The following RUNX1T1 variants were observed in gnomAD, a reference collection of about 807,000 sequenced individuals.
RUNX1T1 encodes protein CBFA2T1.
A neutral mutation model predicts 62.8 loss-of-function variants in RUNX1T1; 4 were observed. That is an observed-to-expected ratio of 0.06 (90% CI 0.03 to 0.15). RUNX1T1 has a LOEUF of 0.15. Among genes scored for constraint, RUNX1T1 ranks in the 10% least tolerant of loss-of-function variants. The probability of loss-of-function intolerance (pLI) is 1.00; values close to 1 mark genes in which losing one functional copy is unlikely to be tolerated. For missense variants in RUNX1T1, 508 were observed against 754.3 expected (o/e 0.67, Z 3.82); for synonymous variants, 291 against 286.0 (o/e 1.02, Z -0.18).
intron 5 of RUNX1T1, among the ~76,000 whole-genome samples, chr8:91,996,769 T>C (rs78688345): frequency 6.6e-6 from 1 of 151,946 alleles, no homozygotes; most frequent in African/African-American, 2.4e-5. Flanking sequence ...TTTTTTTTTT[T>C]CCAGCTCCTC....
intron 5 of RUNX1T1, 66 bp downstream of exon 6, chr8:92,005,050 A>C: frequency 7.4e-7 from 1 of 1,359,390 alleles, no homozygotes; most frequent in Non-Finnish European, 1.0e-6. Context: ...GTGACATGAA[A>C]TGTTTCCTCA....
At chr8:92,011,161 T>C in intron 3 of RUNX1T1, 70 bp from the exon 5 acceptor site, 1 of 826,062 alleles carries the variant, frequency 1.2e-6, no homozygotes, top group Middle Eastern at 2.3e-4. Flanking sequence ...AACAAATTAA[T>C]TATTAAGACT....
intron 1 of RUNX1T1, among the ~76,000 whole-genome samples, chr8:92,043,988 A>C (rs545986162): frequency 1.4e-4 from 22 of 152,154 alleles, no homozygotes; most frequent in African/African-American, 5.1e-4. Flanking sequence ...CAAAAAAAAA[A>C]AAAAAAAAAC....
exon 11 of RUNX1T1, chr8:91,959,488 G>GTA (rs60438153): frequency 0.017 from 1,501 of 86,464 alleles, 21 homozygotes; most frequent in Middle Eastern, 0.026. Flanking sequence ...GTGTGTGTGT[G>GTA]TATATATATA....
Position 92,005,129 on chromosome 8 carries a change from G to C in RUNX1T1, c.646C>G (p.Arg216Gly), listed in dbSNP as rs866587267. The change falls in exon 5 of 11, where the codon CGA becomes GGA. Residue 216 changes from arginine to glycine, a missense_variant. Arg to Gly is a moderately radical substitution (Grantham distance 125, BLOSUM62 -2). Transcript: ENST00000396218. ...CCTCCCTCTCACCTGTCTGGAGTTC[G>C]CCTCTTCCCGTTTTCGTTCACATCG... 1.8e-5 allele frequency: 29 copies of C among 1,609,974 alleles called. No homozygotes were observed. The Admixed American group carries it at 3.7e-4, about 21-fold the overall frequency.
intron 6 of RUNX1T1, among the ~76,000 whole-genome samples, chr8:91,991,147 A>G (rs1817590398): frequency 6.6e-6 from 1 of 152,226 alleles, no homozygotes; most frequent in Non-Finnish European, 1.5e-5. Context: ...AACATCTGTT[A>G]AGCCACAGAT....
At chr8:91,962,836 G>C (rs1334786579) in intron 10 of RUNX1T1, among the ~76,000 whole-genome samples, 2 of 152,202 alleles carry the variant, frequency 1.3e-5, no homozygotes, top group Non-Finnish European at 2.9e-5. Context: ...GAGTCAAGTG[G>C]CTTCTTTAGG....
At chr8:92,029,482 T>A (rs763324360) in intron 1 of RUNX1T1, among the ~76,000 whole-genome samples, 7 of 152,088 alleles carry the variant, frequency 4.6e-5, no homozygotes, top group African/African-American at 1.2e-4. Context: ...CTCGAATAAG[T>A]AGGAACCGAG....
intron 10 of RUNX1T1, among the ~76,000 whole-genome samples, chr8:91,970,380 A>G (rs2011093): frequency 0.84 from 127,355 of 152,104 alleles, 53,698 homozygotes; most frequent in East Asian, 0.99. Context: ...ACACACAGCC[A>G]AGCTATGAGT....
chr8:92,092,236 ATTAT>A (rs1377132165), intron 1 of RUNX1T1, among the ~76,000 whole-genome samples: 1 of 152,120 alleles, frequency 6.6e-6, no homozygotes, highest in African/African-American at 2.4e-5. Flanking sequence ...TTTTATTATG[ATTAT>A]TTAAGACATC....
intron 1 of RUNX1T1, among the ~76,000 whole-genome samples, chr8:92,077,705 T>A (rs1834631136): frequency 6.6e-6 from 1 of 152,114 alleles, no homozygotes; most frequent in African/African-American, 2.4e-5. Context: ...CTGACAAAAG[T>A]GGATCATGCC....
intron 8 of RUNX1T1, among the ~76,000 whole-genome samples, chr8:91,981,008 C>T (rs1815114688): frequency 6.6e-6 from 1 of 152,112 alleles, no homozygotes; most frequent in African/African-American, 2.4e-5. Context: ...ATCTAAATAA[C>T]AGCTAAGACA....
chr8:92,011,714 C>T (rs1200507293), intron 3 of RUNX1T1, among the ~76,000 whole-genome samples: 1 of 152,086 alleles, frequency 6.6e-6, no homozygotes, highest in African/African-American at 2.4e-5. Context: ...TCCCAATTAT[C>T]GAAGACATTC....
chr8:92,064,986 G>A (rs959747312), upstream of RUNX1T1, among the ~76,000 whole-genome samples: 4 of 152,094 alleles, frequency 2.6e-5, no homozygotes, highest in Non-Finnish European at 5.9e-5. Flanking sequence ...TGACTGCAGC[G>A]GGGCCTAGCT....
At chr8:92,017,411 A>C (rs1823233009) in intron 1 of RUNX1T1, 48 bp from the exon 3 acceptor site, 2 of 1,613,764 alleles carry the variant, frequency 1.2e-6, no homozygotes, top group African/African-American at 2.7e-5. Context: ...TAAGCACCTC[A>C]GTTTTTCAAG....
chr8:92,001,147 G>C (rs1226605001), intron 5 of RUNX1T1, among the ~76,000 whole-genome samples: 1 of 151,670 alleles, frequency 6.6e-6, no homozygotes, highest in African/African-American at 2.4e-5. Flanking sequence ...GCAACATAGC[G>C]AGACACTGTC....
chr8:91,994,638 G>C (rs1258824351), intron 5 of RUNX1T1: 7 of 501,742 alleles, frequency 1.4e-5, no homozygotes, highest in Non-Finnish European at 2.8e-5. Context: ...AAAATGAAAG[G>C]GTTGGACTAG....
intron 1 of RUNX1T1, among the ~76,000 whole-genome samples, chr8:92,035,390 C>T (rs1381259818): frequency 2.6e-5 from 4 of 151,656 alleles, no homozygotes; most frequent in Non-Finnish European, 4.4e-5. Flanking sequence ...GAAAAATTAC[C>T]TTTTAGGTAT....
At chr8:92,094,751 A>C (rs1326290438) in intron 1 of RUNX1T1, among the ~76,000 whole-genome samples, 1 of 150,548 alleles carries the variant, frequency 6.6e-6, no homozygotes, top group African/African-American at 2.5e-5. Context: ...TGAGAAGGGT[A>C]GGGGGTTGTC....
Sources: allele counts gnomAD v4.1 joint callset (sites outside exome capture counted in the v4.1 genomes callset), GRCh38; gene constraint gnomAD v4.1.1; transcripts MANE v1.5; gene names NCBI Gene and HGNC (gene_info 2026-07-23, HGNC 2026-07-21).